The following KIAA0753 variants were observed in gnomAD, a reference collection of about 807,000 sequenced individuals.
The protein encoded by KIAA0753 is protein moonraker.
Under a neutral mutation model 116.9 loss-of-function variants are expected in KIAA0753, and 114 were observed. The ratio of observed to expected loss-of-function variants is 0.98; its 90% confidence interval spans 0.84 to 1.14. The LOEUF is 1.14. Ranked by LOEUF, KIAA0753 falls within the 50% of genes most tolerant of loss-of-function variation. The pLI, the probability that KIAA0753 is intolerant of heterozygous loss-of-function variation, is 0.00. For missense variants in KIAA0753, 1,156 were observed against 1,172.4 expected, an observed-to-expected ratio of 0.99 and a Z score of 0.20; for synonymous variants, 405 against 413.1, an observed-to-expected ratio of 0.98 and a Z score of 0.24.
intron 12 of KIAA0753, 73 bp downstream of exon 12, chr17:6,606,800 T>C (rs1248604595): frequency 1.8e-6 from 2 of 1,135,388 alleles, no homozygotes; most frequent in Non-Finnish European, 2.7e-6. Flanking sequence ...CAGTCCAGGT[T>C]GGTTGCTAGA....
At chr17:6,627,000 AT>A (rs1307883158) in intron 3 of KIAA0753, among the ~76,000 whole-genome samples, 1 of 152,142 alleles carries the variant, frequency 6.6e-6, no homozygotes, top group African/African-American at 2.4e-5. Context: ...AAGCCACAAC[AT>A]TTCTGTTATT....
At chr17:6,631,392 T>C (rs1233850052) in intron 2 of KIAA0753, among the ~76,000 whole-genome samples, 2 of 152,230 alleles carry the variant, frequency 1.3e-5, no homozygotes, top group Non-Finnish European at 2.9e-5. Context: ...CTACCTTTTG[T>C]ACATTCCAGA....
Position 6,607,243 on chromosome 17 carries a change from G to C in KIAA0753, c.1857C>G (p.Ser619=), listed in dbSNP as rs1567558665. Residue 619 remains serine (S), a synonymous_variant, in exon 11 of 19, where the codon TCC becomes TCG. Coordinates refer to ENST00000361413, the MANE Select transcript of KIAA0753 (RefSeq NM_014804.3). ...ARLAWLDAET[S]KRLKELEELK... ...ACTCTTCTAGTTCCTTCAATCTTTT[G>C]GAAGTTTCAGCATCAAGCCAAGCGA... is the stretch of plus-strand genomic sequence containing the variant. The C allele has an allele frequency of 1.2e-6, 2 of 1,611,108 alleles. No individual in the cohort carries two copies. Among genetic ancestry groups the C allele is most frequent in the Non-Finnish European group, 1.7e-6 (2 of 1,178,840 alleles).
intron 8 of KIAA0753, among the ~76,000 whole-genome samples, chr17:6,611,325 G>T (rs1179729821): frequency 6.6e-6 from 1 of 151,862 alleles, no homozygotes. Flanking sequence ...CTTTAAGACA[G>T]GGTCTTACTC....
intron 3 of KIAA0753, among the ~76,000 whole-genome samples, chr17:6,627,317 A>G (rs1209786565): frequency 6.6e-6 from 1 of 152,164 alleles, no homozygotes; most frequent in South Asian, 2.1e-4. Flanking sequence ...AATCACAGGT[A>G]TTTCTTAAGG....
At chr17:6,627,602 G>T (rs1276892410) in intron 3 of KIAA0753, among the ~76,000 whole-genome samples, 1 of 152,120 alleles carries the variant, frequency 6.6e-6, no homozygotes, top group African/African-American at 2.4e-5. Context: ...CATATATGAT[G>T]ATTAAATTCC....
chr17:6,614,198 A>C (rs548617182), intron 7 of KIAA0753, among the ~76,000 whole-genome samples: 1 of 152,324 alleles, frequency 6.6e-6, no homozygotes, highest in Non-Finnish European at 1.5e-5. Flanking sequence ...ACTATTAGCA[A>C]CTTGATTGTT....
At chr17:6,589,398 A>G (rs1567537522) in intron 18 of KIAA0753, among the ~76,000 whole-genome samples, 1 of 152,194 alleles carries the variant, frequency 6.6e-6, no homozygotes, top group Non-Finnish European at 1.5e-5. Flanking sequence ...TGTGAGAAAT[A>G]CATTCTTGTT....
At chr17:6,602,929 G>C (rs183184003) in intron 12 of KIAA0753, among the ~76,000 whole-genome samples, 38 of 152,248 alleles carry the variant, frequency 2.5e-4, no homozygotes, top group African/African-American at 8.9e-4. Context: ...GATTATGTAG[G>C]TCAAAAGGCA....
In KIAA0753 at chr17:6,628,280, A is replaced by G; in HGVS notation, c.555T>C (p.Leu185=). The change falls in exon 3 of 19, where the codon CTT becomes CTC. Residue 185 remains leucine, a synonymous_variant. Coordinates refer to ENST00000361413, the MANE Select transcript of KIAA0753 (RefSeq NM_014804.3). ...GGGTGGGTGGCGAATTTGGCACAGT[A>G]AGATCTGACTGGCCTGGATGAGATG... ...LYSSHPGQSD[L]TVPNSPPTHD... is the part of the protein sequence containing the mutation. 1.9e-6 allele frequency: 3 copies of G among 1,614,166 alleles called. No homozygotes were observed. The South Asian group carries it at 3.3e-5, about 18-fold the overall frequency.
intron 11 of KIAA0753, 51 bp from the exon 12 acceptor site, chr17:6,607,013 G>C: frequency 6.4e-7 from 1 of 1,555,492 alleles, no homozygotes; most frequent in Non-Finnish European, 8.9e-7. Flanking sequence ...GCAGAGTCAG[G>C]GCTCCCTTGA....
intron 18 of KIAA0753, among the ~76,000 whole-genome samples, chr17:6,583,949 TTA>T (rs1968381348): frequency 6.6e-6 from 1 of 152,180 alleles, no homozygotes; most frequent in Admixed American, 6.5e-5. Flanking sequence ...CAGAGAAAAT[TTA>T]TGTTTTCTAA....
rs376980825 is a variant in KIAA0753 at position 6,593,601 on chromosome 17, C to A, written c.2440+1371G>T. On this transcript the variant is annotated intron_variant, in intron 16 of 18. Coordinates refer to ENST00000361413, the MANE Select transcript of KIAA0753 (RefSeq NM_014804.3). Reference sequence around the variant, plus strand: ...GCTCACACCTGGAATCCCAGCACTTCAGGAGGCCAGGCGCAATGGCTCACA... The same window carrying A: ...GCTCACACCTGGAATCCCAGCACTTAAGGAGGCCAGGCGCAATGGCTCACA... 1.6e-4 allele frequency among the ~76,000 whole-genome samples: 24 copies of A among 152,024 alleles called. No individual in the cohort carries two copies. In the East Asian group the frequency reaches 1.9e-3, roughly 12 times the overall value.
rs149813753 is a variant in KIAA0753, at chr17:6,582,839, C to T, written c.2787-2975G>A. On this transcript the variant is annotated intron_variant, in intron 18 of 18. Coordinates refer to ENST00000361413, the MANE Select transcript of KIAA0753 (RefSeq NM_014804.3). The stretch of plus-strand genomic sequence containing the variant: ...TAATTGATATTCTTACCTTTTTTCC[C>T]ATACAATGCAAGAACCTTAGAATAC... Among the ~76,000 whole-genome samples the T allele has an allele frequency of 2.8e-3, 420 of 152,198 alleles. 3 individuals carry two copies. Among genetic ancestry groups the T allele is most frequent in the African/African-American group, 9.6e-3 (398 of 41,534 alleles).
intron 12 of KIAA0753, among the ~76,000 whole-genome samples, chr17:6,603,184 A>G (rs1467911523): frequency 6.6e-6 from 1 of 152,206 alleles, no homozygotes; most frequent in Non-Finnish European, 1.5e-5. Context: ...AGGAAAAAAC[A>G]GATAAGAAAA....
chr17:6,600,396 A>G lies in KIAA0753; in HGVS notation c.2072T>C (p.Leu691Pro), dbSNP rs778457555. 6.2e-7 allele frequency: 1 copy of G among 1,613,854 alleles called. No individual in the cohort carries two copies. The highest frequency in any genetic ancestry group is 1.1e-5 in the South Asian group (1 of 91,086). ...ATAGATTACCTGGGCCTTGACCAAG[A>G]GAGGCTTCAAACGATCCAGAACTGC... is the stretch of plus-strand genomic sequence containing the variant. The part of the protein sequence containing the change: ...EEAVLDRLKP[L>P]LVKAQRVNST... The change falls in exon 13 of 19, where the codon CTC becomes CCC. Residue 691 changes from leucine (L) to proline (P), a missense_variant. Coordinates refer to ENST00000361413, the MANE Select transcript of KIAA0753 (RefSeq NM_014804.3).
rs1389448210 is a variant in KIAA0753, at chr17:6,628,434, T to A, written c.401A>T (p.His134Leu). Residue 134 changes from histidine to leucine, a missense_variant, in exon 3 of 19, where the codon CAT (histidine) becomes CTT (leucine). Transcript: ENST00000361413. ...SQPQSSQKCG[H>L]TKYKIPDHRV... ...GTGGTCGGGTATTTTATACTTAGTA[T>A]GTCCACACTTCTGAGAGCTTTGAGG... 1 of 1,614,238 alleles carries A rather than the reference T, an allele frequency of 6.2e-7. No homozygotes were observed. The highest frequency in any genetic ancestry group is 1.1e-5 in the South Asian group (1 of 91,086).
chr17:6,593,891 T>TA (rs1257455108), intron 16 of KIAA0753, among the ~76,000 whole-genome samples: 4 of 151,736 alleles, frequency 2.6e-5, no homozygotes, highest in South Asian at 2.1e-4. Context: ...ACTCAAAAAA[T>TA]AAAAAAAATC....
rs1389448210 is a variant in KIAA0753 at position 6,628,434 on chromosome 17, T to C, written c.401A>G (p.His134Arg). 1 of 1,614,238 alleles carries C rather than the reference T, an allele frequency of 6.2e-7. No homozygotes were observed. Among genetic ancestry groups the C allele is most frequent in the Non-Finnish European group, 8.5e-7 (1 of 1,180,038 alleles). ...GTGGTCGGGTATTTTATACTTAGTATGTCCACACTTCTGAGAGCTTTGAGG... is the reference window on the plus strand; with the variant it reads ...GTGGTCGGGTATTTTATACTTAGTACGTCCACACTTCTGAGAGCTTTGAGG... Reference protein sequence around the residue: ...SQPQSSQKCGHTKYKIPDHRV... With the variant: ...SQPQSSQKCGRTKYKIPDHRV... Residue 134 changes from histidine (H) to arginine (R), a missense_variant, in exon 3 of 19, where the codon CAT becomes CGT. Coordinates refer to ENST00000361413, the MANE Select transcript of KIAA0753 (RefSeq NM_014804.3).
Sources: allele counts gnomAD v4.1 joint callset (sites outside exome capture counted in the v4.1 genomes callset), GRCh38; gene constraint gnomAD v4.1.1; transcripts MANE v1.5; gene names NCBI Gene and HGNC (gene_info 2026-07-23, HGNC 2026-07-21).